MAPT: variants seen among roughly 807,000 people sequenced by gnomAD.
MAPT encodes the protein microtubule-associated protein tau.
A neutral mutation model predicts 67.9 loss-of-function variants in MAPT; 34 were observed. The observed-to-expected ratio is 0.50, with a 90% CI of 0.38 to 0.67. The LOEUF (loss-of-function observed/expected upper bound fraction) is 0.67, where lower values mean the gene tolerates loss of function less well. MAPT is among the 30% of genes least tolerant of loss of function. The probability of loss-of-function intolerance (pLI) is 0.00; values close to 1 mark genes in which losing one functional copy is unlikely to be tolerated. For missense variants in MAPT, 881 were observed against 1,115.2 expected (o/e 0.79, Z 2.99); for synonymous variants, 456 against 464.5 (o/e 0.98, Z 0.23).
Position 45,996,679 on chromosome 17 carries a change from C to CTGCGCGTGGAGGTG in MAPT, c.1998+18_1998+31dup. ...GAGGCGGGAAGGTGAGAGTGGCTGG[C>CTGCGCGTGGAGGTG]TGCGCGTGGAGGTGTGGGGGGCTGC... On this transcript the variant is annotated intron_variant, in intron 9 of 12. Coordinates refer to ENST00000262410, the MANE Select transcript of MAPT (RefSeq NM_001377265.1). This position sits in a 1 kb window ranked among gnomAD's most constrained non-coding sequence, Gnocchi z 4.5. The CTGCGCGTGGAGGTG allele has an allele frequency of 6.2e-7, 1 of 1,612,306 alleles. No homozygotes were observed. Among genetic ancestry groups the CTGCGCGTGGAGGTG allele is most frequent in the East Asian group, 2.2e-5 (1 of 44,840 alleles).
intron 1 of MAPT, among the ~76,000 whole-genome samples, chr17:45,956,412 GGGAGCT>G (rs1472148335): frequency 6.6e-6 from 1 of 152,050 alleles, no homozygotes; most frequent in Non-Finnish European, 1.5e-5. Flanking sequence ...TCTCTCCAAA[GGGAGCT>G]GCTCTCTCTA....
At position 45,996,557 on chromosome 17, in the gene MAPT, G is replaced by T. The variant is rs63750096; in HGVS notation, c.1891G>T (p.Ala631Ser). ...TACTCCACCCAAGTCGCCGTCTTCCGCCAAGAGCCGCCTGCAGACAGCCCC... is the reference window on the plus strand; with the variant it reads ...TACTCCACCCAAGTCGCCGTCTTCCTCCAAGAGCCGCCTGCAGACAGCCCC... ...VRTPPKSPSS[A>S]KSRLQTAPVP... The change falls in exon 9 of 13, where the codon GCC becomes TCC. Residue 631 changes from alanine to serine, a missense_variant. Coordinates refer to ENST00000262410, the MANE Select transcript of MAPT (RefSeq NM_001377265.1). This position sits in a 1 kb window ranked among gnomAD's most constrained non-coding sequence, Gnocchi z 4.5. The T allele has an allele frequency of 1.2e-6, 2 of 1,612,214 alleles. No individual in the cohort carries two copies. The highest frequency in any genetic ancestry group is 8.5e-7 in the Non-Finnish European group (1 of 1,179,172).
chr17:46,010,032 A>T lies in MAPT; in HGVS notation c.1999-278A>T, dbSNP rs949119247. 6.6e-6 allele frequency among the ~76,000 whole-genome samples: 1 copy of T among 152,150 alleles called. No homozygotes were observed. The highest frequency in any genetic ancestry group is 2.1e-4 in the South Asian group (1 of 4,836). On this transcript the variant is annotated intron_variant, in intron 9 of 12. Transcript: ENST00000262410. This position sits in a 1 kb window ranked among gnomAD's most constrained non-coding sequence, Gnocchi z 4.7. Reference sequence around the variant, plus strand: ...GATGCCATCCTTTTGTGAAGTGAGGACCTGCAATCCCAGCTTCGTAAAGCC... The same window carrying T: ...GATGCCATCCTTTTGTGAAGTGAGGTCCTGCAATCCCAGCTTCGTAAAGCC...
chr17:45,961,164 C>T (rs1301558956), intron 1 of MAPT, among the ~76,000 whole-genome samples: 1 of 147,464 alleles, frequency 6.8e-6, no homozygotes. Flanking sequence ...AAGCGAGACT[C>T]TATCTCAAAA....
At position 46,027,391 on chromosome 17, in the gene MAPT, C is replaced by A. The variant is rs2076853995; in HGVS notation, c.*3220C>A. 1 of 152,772 alleles carries A rather than the reference C, an allele frequency of 6.5e-6. No individual in the cohort carries two copies. The highest frequency in any genetic ancestry group is 1.5e-5 in the Non-Finnish European group (1 of 68,120). The allele number at this position is 152,772 out of a possible 1,614,324, so 9.5% of individuals were successfully genotyped here. On this transcript the variant is annotated 3_prime_UTR_variant, in exon 13 of 13. Coordinates refer to ENST00000262410, the MANE Select transcript of MAPT (RefSeq NM_001377265.1). ...ACTCCTCCCCTCCCCTCACTTCTCC[C>A]ACCTGCAGAGCCAGTGTCCTTGGGT... is the stretch of plus-strand genomic sequence containing the variant.
intron 1 of MAPT, among the ~76,000 whole-genome samples, chr17:45,946,538 G>T (rs1012073422): frequency 1.4e-5 from 2 of 147,380 alleles, no homozygotes; most frequent in African/African-American, 5.0e-5. Flanking sequence ...GGTAGAGGTT[G>T]CAGTGAGCCG....
At position 45,998,310 on chromosome 17, in the gene MAPT, G is replaced by A. The variant is rs570373968; in HGVS notation, c.1998+1646G>A. ...TGCAGTGTCACATCCCATCGGGATG[G>A]AAATGGACGGTCGGGTTAAAAGGGA... On this transcript the variant is annotated intron_variant, in intron 9 of 12. Coordinates refer to ENST00000262410, the MANE Select transcript of MAPT (RefSeq NM_001377265.1). 3.9e-5 allele frequency among the ~76,000 whole-genome samples: 6 copies of A among 152,314 alleles called. No individual in the cohort carries two copies. The South Asian group carries it at 1.2e-3, about 32-fold the overall frequency.
At position 45,906,235 on chromosome 17, in the gene MAPT, C is replaced by T. The variant is rs1320572089; in HGVS notation, c.-18+11549C>T. Among the ~76,000 whole-genome samples the T allele has an allele frequency of 6.6e-6, 1 of 152,178 alleles. No individual in the cohort carries two copies. Among genetic ancestry groups the T allele is most frequent in the East Asian group, 1.9e-4 (1 of 5,192 alleles). ...AAGGGCTGGGACTTCCTTCTGGGCTCAAGTCACGACCCTTGGATGGAATTT... is the reference window on the plus strand; with the variant it reads ...AAGGGCTGGGACTTCCTTCTGGGCTTAAGTCACGACCCTTGGATGGAATTT... On this transcript the variant is annotated intron_variant, in intron 1 of 12. Coordinates refer to ENST00000262410, the MANE Select transcript of MAPT (RefSeq NM_001377265.1). The surrounding 1 kb of genome is among the most constrained non-coding windows in gnomAD (Gnocchi z 4.3).
Position 46,012,955 on chromosome 17 carries a change from C to T in MAPT, c.2092-1288C>T, listed in dbSNP as rs543769338. ...CAACGTCCTTGCCACAGATCATGTC[C>T]GCCCTGACACACATGGGTCTCAGCC... On this transcript the variant is annotated intron_variant, in intron 10 of 12. Coordinates refer to ENST00000262410, the MANE Select transcript of MAPT (RefSeq NM_001377265.1). Among the ~76,000 whole-genome samples, 9 of 152,280 alleles carry T rather than the reference C, an allele frequency of 5.9e-5. No individual in the cohort carries two copies. In the East Asian group the frequency reaches 7.7e-4, roughly 13 times the overall value.
chr17:45,965,019 G>A (rs2070894819), intron 2 of MAPT, among the ~76,000 whole-genome samples: 1 of 152,140 alleles, frequency 6.6e-6, no homozygotes, highest in Non-Finnish European at 1.5e-5. Flanking sequence ...GGGATTGGGG[G>A]CCAGATTTTG....
At chr17:45,974,629 C>G in intron 3 of MAPT, 1 of 639,700 alleles carries the variant, frequency 1.6e-6, no homozygotes, top group Admixed American at 2.5e-5. Flanking sequence ...GTGAGTAGCT[C>G]GATGCCTTGG....
intron 4 of MAPT, chr17:45,980,094 T>A (rs1381256640): frequency 6.6e-6 from 1 of 152,248 alleles, no homozygotes; most frequent in African/African-American, 2.4e-5. Context: ...TTAACTTACC[T>A]GGACTACTGT....
rs1437398512 is a variant in MAPT, at chr17:45,941,741, T to TCCTG, written c.-17-20577_-17-20576insGCCT. On this transcript the variant is annotated intron_variant, in intron 1 of 12. Transcript: ENST00000262410. ...TTCCTTCCTTCCTTCCTTCCTTCCT[T>TCCTG]CCTTCCTTCCTTCCTGGTATGTGAC... Among the ~76,000 whole-genome samples the TCCTG allele has an allele frequency of 3.1e-3, 397 of 129,636 alleles. 10 individuals carry two copies. The highest frequency in any genetic ancestry group is 0.011 in the African/African-American group (377 of 34,796). The allele number at this position is 129,636 out of a possible 152,430, so 85.0% of individuals were successfully genotyped here. A position where few individuals can be genotyped will look rare whatever the true frequency, so the allele number is the denominator to read the frequency against.
At chr17:45,951,701 C>T (rs996648704) in intron 1 of MAPT, among the ~76,000 whole-genome samples, 2 of 152,098 alleles carry the variant, frequency 1.3e-5, no homozygotes, top group Non-Finnish European at 1.5e-5. Context: ...CCCCGCCCCC[C>T]GGGCCTCAAT....
intron 1 of MAPT, among the ~76,000 whole-genome samples, chr17:45,947,391 T>G (rs1200104815): frequency 2.7e-5 from 4 of 150,812 alleles, no homozygotes; most frequent in African/African-American, 9.8e-5. Context: ...TTCTTTTTTT[T>G]TTTTTTTTTC....
intron 1 of MAPT, among the ~76,000 whole-genome samples, chr17:45,941,684 T>TTCCTTCCTTCCC (rs769018688): frequency 0.36 from 18,437 of 50,772 alleles, 4,624 homozygotes; most frequent in Non-Finnish European, 0.46. Flanking sequence ...CCTTCCCTCC[T>TTCCTTCCTTCCC]TCCTTCCTTC....
intron 8 of MAPT, among the ~76,000 whole-genome samples, chr17:45,994,810 A>G (rs1029192558): frequency 7.2e-5 from 11 of 152,232 alleles, no homozygotes; most frequent in Admixed American, 3.3e-4. Context: ...AGCCTGGCCA[A>G]CATGGTAAAA....
intron 10 of MAPT, among the ~76,000 whole-genome samples, chr17:46,013,089 T>C (rs12150254): frequency 0.14 from 21,790 of 152,266 alleles, 2,126 homozygotes; most frequent in Non-Finnish European, 0.22. Context: ...AACCACCACC[T>C]GCCCTGCACC....
Position 46,010,251 on chromosome 17 carries a change from C to G in MAPT, c.1999-59C>G. On this transcript the variant is annotated intron_variant, in intron 9 of 12. Transcript: ENST00000262410. The surrounding 1 kb of genome is among the most constrained non-coding windows in gnomAD (Gnocchi z 4.7). ...CTCATCGAAAGTGGAGGCGTCCTTGCGAGCAAGCAGGCGGGTCCAGGGTGG... is the reference window on the plus strand; with the variant it reads ...CTCATCGAAAGTGGAGGCGTCCTTGGGAGCAAGCAGGCGGGTCCAGGGTGG... 3 of 1,211,660 alleles carry G rather than the reference C, an allele frequency of 2.5e-6. No individual in the cohort carries two copies. The highest frequency in any genetic ancestry group is 4.0e-5 in the Admixed American group (2 of 50,404). 75.1% of individuals were successfully genotyped at this position (1,211,660 alleles called of 1,614,324 possible). A position where few individuals can be genotyped will look rare whatever the true frequency, so the allele number is the denominator to read the frequency against.
Sources: allele counts gnomAD v4.1 joint callset (sites outside exome capture counted in the v4.1 genomes callset), GRCh38; gene constraint gnomAD v4.1.1; non-coding constraint Gnocchi (gnomAD v3.1); transcripts MANE v1.5; gene names NCBI Gene and HGNC (gene_info 2026-07-23, HGNC 2026-07-21).